NSMCE2: variants seen among roughly 807,000 people sequenced by gnomAD.
NSMCE2 encodes NSE2 SUMO ligase component of SMC5/6 complex.
A neutral mutation model predicts 23.8 loss-of-function variants in NSMCE2; 24 were observed. That is an observed-to-expected ratio of 1.01 (90% CI 0.73 to 1.42). The LOEUF is 1.42. NSMCE2 is among the 40% of genes most tolerant of loss of function. The probability of loss-of-function intolerance (pLI) is 0.00; values close to 1 mark genes in which losing one functional copy is unlikely to be tolerated. For synonymous variants in NSMCE2, 92 were observed against 94.1 expected, an observed-to-expected ratio of 0.98 and a Z score of 0.13; for missense variants, 284 against 296.5, an observed-to-expected ratio of 0.96 and a Z score of 0.31.
At chr8:125,153,559 C>A (rs1443764612) in intron 4 of NSMCE2, among the ~76,000 whole-genome samples, 1 of 152,098 alleles carries the variant, frequency 6.6e-6, no homozygotes, top group African/African-American at 2.4e-5. Context: ...TGAACAGCAG[C>A]TTGGGAGGGG....
intron 5 of NSMCE2, among the ~76,000 whole-genome samples, chr8:125,274,989 A>G (rs1827387174): frequency 9.3e-6 from 1 of 107,550 alleles, no homozygotes; most frequent in Non-Finnish European, 1.9e-5. Context: ...TTTCAGGACA[A>G]TCTGAAGATG....
intron 3 of NSMCE2, among the ~76,000 whole-genome samples, chr8:125,111,200 A>G (rs1363683231): frequency 6.6e-6 from 1 of 152,244 alleles, no homozygotes; most frequent in African/African-American, 2.4e-5. Context: ...TTCAGAGTTC[A>G]TGATGAGTAA....
Position 125,166,765 on chromosome 8 carries a change from T to C in NSMCE2, c.265-15338T>C, listed in dbSNP as rs78690636. Among the ~76,000 whole-genome samples the C allele has an allele frequency of 6.7e-3, 1,025 of 152,318 alleles. 13 individuals carry two copies. The highest frequency in any genetic ancestry group is 0.023 in the African/African-American group (954 of 41,564). ...CCCAGTGGTCCCAGCTATGGAAGACTGGTCTTCCTGGTTTAGAGTGCCTCA... is the reference window on the plus strand; with the variant it reads ...CCCAGTGGTCCCAGCTATGGAAGACCGGTCTTCCTGGTTTAGAGTGCCTCA... On this transcript the variant is annotated intron_variant, in intron 4 of 7. Transcript: ENST00000287437.
At chr8:125,352,018 A>C (rs549491541) in intron 5 of NSMCE2, among the ~76,000 whole-genome samples, 2 of 152,300 alleles carry the variant, frequency 1.3e-5, no homozygotes, top group South Asian at 4.1e-4. Flanking sequence ...CATTTCAAAA[A>C]TATATATACA....
intron 5 of NSMCE2, among the ~76,000 whole-genome samples, chr8:125,183,396 A>G (rs766598022): frequency 6.8e-6 from 1 of 147,714 alleles, no homozygotes; most frequent in Non-Finnish European, 1.5e-5. Context: ...CCCATATTTT[A>G]AGTTTATTTT....
At chr8:125,217,591 C>T in intron 5 of NSMCE2, among the ~76,000 whole-genome samples, 1 of 152,130 alleles carries the variant, frequency 6.6e-6, no homozygotes, top group East Asian at 1.9e-4. Context: ...TGGTCTGTAT[C>T]TCCTGACCTC....
rs553265872 is a variant in NSMCE2 at position 125,101,739 on chromosome 8, T to A, written c.-110-312T>A. On this transcript the variant is annotated intron_variant, in intron 1 of 7. Coordinates refer to ENST00000287437, the MANE Select transcript of NSMCE2 (RefSeq NM_173685.4). ...ACTGAAACTGTTATAGTGGATGTGC[T>A]GCCAGAAGACAAGTTTATACAGAAA... is the stretch of plus-strand genomic sequence containing the variant. Among the ~76,000 whole-genome samples, 31 of 152,350 alleles carry A rather than the reference T, an allele frequency of 2.0e-4. 1 individual carries two copies. The South Asian group carries it at 4.1e-3, about 20-fold the overall frequency.
chr8:125,356,326 G>GTTTTTTTTTTTTTTTTTTTTTTTTTTT (rs747884264), intron 5 of NSMCE2, among the ~76,000 whole-genome samples: 4 of 105,436 alleles, frequency 3.8e-5, no homozygotes, highest in Non-Finnish European at 5.4e-5. Flanking sequence ...TAATTTTTTG[G>GTTTTTTTTTTTTTTTTTTTTTTTTTTT]TTTTTTTTTT....
At chr8:125,328,044 C>T (rs746026180) in intron 5 of NSMCE2, among the ~76,000 whole-genome samples, 4 of 151,938 alleles carry the variant, frequency 2.6e-5, no homozygotes, top group Non-Finnish European at 5.9e-5. Context: ...TTTTTTAAAA[C>T]TGTTTGCTTT....
chr8:125,290,317 T>C (rs1282246972), intron 5 of NSMCE2, among the ~76,000 whole-genome samples: 1 of 151,612 alleles, frequency 6.6e-6, no homozygotes, highest in African/African-American at 2.4e-5. Flanking sequence ...CAAAAAAAAA[T>C]TAATAAATAG....
intron 5 of NSMCE2, among the ~76,000 whole-genome samples, chr8:125,210,168 T>C (rs1385747701): frequency 6.6e-6 from 1 of 152,186 alleles, no homozygotes; most frequent in African/African-American, 2.4e-5. Context: ...AATGACATAA[T>C]AATAGTTTAC....
At chr8:125,332,146 C>T (rs1477727683) in intron 5 of NSMCE2, among the ~76,000 whole-genome samples, 1 of 152,184 alleles carries the variant, frequency 6.6e-6, no homozygotes, top group Non-Finnish European at 1.5e-5. Context: ...TATTTATTAT[C>T]CTCTTCCCAT....
intron 5 of NSMCE2, among the ~76,000 whole-genome samples, chr8:125,281,760 T>A (rs1359846263): frequency 2.2e-4 from 33 of 147,016 alleles, no homozygotes; most frequent in African/African-American, 7.8e-4. Flanking sequence ...TTTTTTTTTT[T>A]AAGGAGATGG....
chr8:125,133,755 C>G (rs1463271996), intron 3 of NSMCE2, among the ~76,000 whole-genome samples: 1 of 151,156 alleles, frequency 6.6e-6, no homozygotes, highest in Non-Finnish European at 1.5e-5. Context: ...CAGAGCAAGA[C>G]TCCATCTCAA....
chr8:125,177,110 C>A (rs1822537482), intron 4 of NSMCE2, among the ~76,000 whole-genome samples: 1 of 152,220 alleles, frequency 6.6e-6, no homozygotes, highest in Non-Finnish European at 1.5e-5. Flanking sequence ...ACCTCCTCCT[C>A]TACCCACAAC....
At chr8:125,299,695 G>T (rs1031508035) in intron 5 of NSMCE2, among the ~76,000 whole-genome samples, 10 of 151,780 alleles carry the variant, frequency 6.6e-5, no homozygotes, top group Non-Finnish European at 1.3e-4. Flanking sequence ...TTTATTGGGA[G>T]GTTGGCAATT....
At chr8:125,331,989 C>G (rs1829897218) in intron 5 of NSMCE2, among the ~76,000 whole-genome samples, 1 of 152,180 alleles carries the variant, frequency 6.6e-6, no homozygotes, top group Admixed American at 6.5e-5. Context: ...TGGACTTAAT[C>G]TATTTAATTC....
intron 5 of NSMCE2, among the ~76,000 whole-genome samples, chr8:125,230,480 A>G (rs891606687): frequency 1.3e-5 from 2 of 152,196 alleles, no homozygotes; most frequent in Admixed American, 1.3e-4. Context: ...AAGCGTGAAC[A>G]TCCCTTGGGG....
At chr8:125,220,972 T>C (rs1322458312) in intron 5 of NSMCE2, among the ~76,000 whole-genome samples, 1 of 152,156 alleles carries the variant, frequency 6.6e-6, no homozygotes, top group African/African-American at 2.4e-5. Flanking sequence ...TAAAAATATC[T>C]CGAAGGTATT....
Sources: allele counts gnomAD v4.1 joint callset (sites outside exome capture counted in the v4.1 genomes callset), GRCh38; gene constraint gnomAD v4.1.1; transcripts MANE v1.5; gene names NCBI Gene and HGNC (gene_info 2026-07-23, HGNC 2026-07-21).